SLC34A1: variants seen among roughly 807,000 people sequenced by gnomAD.
The protein encoded by SLC34A1 is sodium-dependent phosphate transport protein 2A.
A neutral mutation model predicts 51.4 loss-of-function variants in SLC34A1; 57 were observed. The ratio of observed to expected loss-of-function variants is 1.11; its 90% CI spans 0.90 to 1.38. SLC34A1 has a LOEUF of 1.38. Ranked by LOEUF, SLC34A1 falls within the 40% of genes most tolerant of loss-of-function variation. The probability of loss-of-function intolerance (pLI) is 0.00; values close to 1 mark genes in which losing one functional copy is unlikely to be tolerated. For missense variants in SLC34A1, 796 were observed against 835.6 expected (o/e 0.95, Z 0.58); for synonymous variants, 368 against 358.0 (o/e 1.03, Z -0.32).
In SLC34A1 at chr5:177,398,374, C is replaced by A; in HGVS notation, c.*88C>A. The A allele has an allele frequency of 1.4e-6, 2 of 1,456,532 alleles. No individual in the cohort carries two copies. The highest frequency in any genetic ancestry group is 2.3e-4 in the Middle Eastern group (1 of 4,340). 90.2% of individuals were successfully genotyped at this position (1,456,532 alleles called of 1,614,324 possible). ...GGGTGTGTGTAGGTATGTGCATGTGCCTGTGCCACCCTGGGTGCCAGTCTC... is the reference window on the plus strand; with the variant it reads ...GGGTGTGTGTAGGTATGTGCATGTGACTGTGCCACCCTGGGTGCCAGTCTC... On this transcript the variant is annotated 3_prime_UTR_variant, in exon 13 of 13. Coordinates refer to ENST00000324417, the MANE Select transcript of SLC34A1 (RefSeq NM_003052.5). This position sits in a 1 kb window ranked among gnomAD's most constrained non-coding sequence, Gnocchi z 4.7.
rs767726771 is a variant in SLC34A1 at position 177,396,984 on chromosome 5, G to A, written c.1326G>A (p.Pro442=). ...LGVISIERAY[P]LTLGSNIGTT... is the part of the protein sequence containing the mutation. ...TGATCAGCATTGAGAGGGCCTACCC[G>A]CTCACACTGGGTTCCAACATCGGCA... Residue 442 remains proline, a synonymous_variant, in exon 12 of 13, where the codon CCG becomes CCA. Transcript: ENST00000324417. This position sits in a 1 kb window ranked among gnomAD's most constrained non-coding sequence, Gnocchi z 4.0. 19 of 1,614,100 alleles carry A rather than the reference G, an allele frequency of 1.2e-5. No individual in the cohort carries two copies. Among genetic ancestry groups the A allele is most frequent in the East Asian group, 2.2e-5 (1 of 44,880 alleles).
At chr5:177,394,314 T>C (rs1035637323) in intron 10 of SLC34A1, 119 bp downstream of exon 10, 5 of 1,161,238 alleles carry the variant, frequency 4.3e-6, no homozygotes, top group Admixed American at 3.8e-5. Flanking sequence ...AGTTTCCCGA[T>C]GTGAACAAAG....
chr5:177,392,004 C>G (rs1293522640), intron 8 of SLC34A1, among the ~76,000 whole-genome samples: 1 of 152,198 alleles, frequency 6.6e-6, no homozygotes, highest in Non-Finnish European at 1.5e-5. Flanking sequence ...TCTAGCCCAT[C>G]GCAGCCTATT....
rs1763045429 is a variant in SLC34A1, at chr5:177,398,518, G to A, written c.*232G>A. On this transcript the variant is annotated 3_prime_UTR_variant, in exon 13 of 13. Transcript: ENST00000324417. The surrounding 1 kb of genome is among the most constrained non-coding windows in gnomAD (Gnocchi z 4.7). ...TAGAAGCTTGTATTTGTGTACAGGT[G>A]TGCCAGCCCATGCAGGTGTACACAG... 2.1e-5 allele frequency: 13 copies of A among 619,992 alleles called. No homozygotes were observed. The East Asian group carries it at 2.8e-4, about 13-fold the overall frequency. 38.4% of individuals were successfully genotyped at this position (619,992 alleles called of 1,614,324 possible). A position where few individuals can be genotyped will look rare whatever the true frequency, so the allele number is the denominator to read the frequency against.
At chr5:177,391,748 G>A (rs1314509956) in intron 8 of SLC34A1, among the ~76,000 whole-genome samples, 3 of 152,192 alleles carry the variant, frequency 2.0e-5, no homozygotes, top group Non-Finnish European at 4.4e-5. Context: ...ACAGTTTACC[G>A]AAGGCTCATG....
rs369736373 is a variant in SLC34A1 at position 177,394,083 on chromosome 5, G to A, written c.1062G>A (p.Leu354=). ...CGGACCTGGCTGTGGGGCTCATCCTGCTGGCAGGATCCCTGGTGCTGCTGT... is the reference window on the plus strand; with the variant it reads ...CGGACCTGGCTGTGGGGCTCATCCTACTGGCAGGATCCCTGGTGCTGCTGT... ...GLPDLAVGLI[L]LAGSLVLLCT... is the part of the protein sequence containing the mutation. Residue 354 remains leucine (L), a synonymous_variant, in exon 10 of 13, where the codon CTG becomes CTA. Transcript: ENST00000324417. The A allele has an allele frequency of 2.5e-6, 4 of 1,613,924 alleles. No homozygotes were observed. The highest frequency in any genetic ancestry group is 3.4e-6 in the Non-Finnish European group (4 of 1,180,036).
At chr5:177,395,554 C>G (rs1466558447) in intron 10 of SLC34A1, among the ~76,000 whole-genome samples, 4 of 152,146 alleles carry the variant, frequency 2.6e-5, no homozygotes, top group Non-Finnish European at 4.4e-5. Flanking sequence ...AGGCTCTGCT[C>G]AGAGCCTGGA....
chr5:177,386,460 C>T lies in SLC34A1; in HGVS notation c.426C>T (p.Ile142=). The T allele has an allele frequency of 6.2e-7, 1 of 1,614,060 alleles. No individual in the cohort carries two copies. Among genetic ancestry groups the T allele is most frequent in the Non-Finnish European group, 8.5e-7 (1 of 1,179,934 alleles). The change falls in exon 5 of 13, where the codon ATC becomes ATT. Residue 142 remains isoleucine (I), a synonymous_variant. Transcript: ENST00000324417. The surrounding 1 kb of genome is among the most constrained non-coding windows in gnomAD (Gnocchi z 4.8). ...GTGACATCTTCAAGGATAACGCCAT[C>T]CTGTCCAACCCGGTGGCCGGGCTGG... is the stretch of plus-strand genomic sequence containing the variant. The part of the protein sequence containing the change: ...VAGDIFKDNA[I]LSNPVAGLVV...
At position 177,398,239 on chromosome 5, in the gene SLC34A1, TC is replaced by T. The variant is rs772299892; in HGVS notation, c.1879del (p.Arg627ValfsTer55). On this transcript the variant is annotated frameshift_variant, in exon 13 of 13. Transcript: ENST00000324417. LOFTEE classifies it high-confidence loss of function. The surrounding 1 kb of genome is among the most constrained non-coding windows in gnomAD (Gnocchi z 4.7). ...GGAGGAGCTACCCCCTGCCACACCC[TC>T]CCCCCGTCTTGCACTGCCTGCTCAC... ...FLEELPPATP[S>X]PRLALPAHHN... 4 of 1,596,914 alleles carry T rather than the reference TC, an allele frequency of 2.5e-6. No individual in the cohort carries two copies. Among genetic ancestry groups the T allele is most frequent in the Non-Finnish European group, 3.4e-6 (4 of 1,179,188 alleles).
intron 8 of SLC34A1, 66 bp from the exon 9 acceptor site, chr5:177,393,628 C>G: frequency 6.6e-7 from 1 of 1,504,876 alleles, no homozygotes; most frequent in East Asian, 2.3e-5. Flanking sequence ...CTCCCTAACT[C>G]CCATCTCAGC....
At chr5:177,387,613 C>T (rs1762632892) in intron 5 of SLC34A1, 149 bp from the exon 6 acceptor site, 3 of 726,240 alleles carry the variant, frequency 4.1e-6, no homozygotes, top group Non-Finnish European at 7.4e-6. Flanking sequence ...TGCCCACATG[C>T]ACCTGTGACG....
rs9686789 is a variant in SLC34A1, at chr5:177,396,623, G to A, written c.1175-110G>A. 11 of 750,646 alleles carry A rather than the reference G, an allele frequency of 1.5e-5. No homozygotes were observed. Among genetic ancestry groups the A allele is most frequent in the South Asian group, 2.9e-5 (2 of 69,236 alleles). The allele number at this position is 750,646 out of a possible 1,614,324, so 46.5% of individuals were successfully genotyped here. On this transcript the variant is annotated intron_variant, in intron 10 of 12. Transcript: ENST00000324417. This position sits in a 1 kb window ranked among gnomAD's most constrained non-coding sequence, Gnocchi z 4.0. ...TCTCCCAGTGCCCCCGCGGAGATCC[G>A]CTCTCCCAGTGCCCCCGCGGAGGTC...
In SLC34A1 at chr5:177,386,003, G is replaced by A. The variant is rs760199474; in HGVS notation, c.126G>A (p.Pro42=). 3.0e-5 allele frequency: 48 copies of A among 1,609,952 alleles called. No homozygotes were observed. The highest frequency in any genetic ancestry group is 2.0e-4 in the South Asian group (18 of 90,912). Residue 42 remains proline, a synonymous_variant, in exon 3 of 13, where the codon CCG becomes CCA. Coordinates refer to ENST00000324417, the MANE Select transcript of SLC34A1 (RefSeq NM_003052.5). The surrounding 1 kb of genome is among the most constrained non-coding windows in gnomAD (Gnocchi z 4.8). Reference sequence around the variant, plus strand: ...CCTCCCTAGTCCTACACAGGATCCCGGGGACCTCTGCCTATGCCTTCCCCA... The same window carrying A: ...CCTCCCTAGTCCTACACAGGATCCCAGGGACCTCTGCCTATGCCTTCCCCA... ...VPSPQVLHRI[P]GTSAYAFPSL...
At chr5:177,392,386 C>A (rs891327081) in intron 8 of SLC34A1, among the ~76,000 whole-genome samples, 10 of 152,220 alleles carry the variant, frequency 6.6e-5, no homozygotes, top group African/African-American at 2.4e-4. Flanking sequence ...TCGCTTGAAC[C>A]CAGGAGGCGG....
rs777694025 is a variant in SLC34A1, at chr5:177,387,766, G to A, written c.537G>A (p.Leu179=). 28 of 1,613,454 alleles carry A rather than the reference G, an allele frequency of 1.7e-5. No individual in the cohort carries two copies. The East Asian group carries it at 5.1e-4, about 30-fold the overall frequency. The part of the protein sequence containing the change: ...IIVSMVSSGL[L]EVSSAIPIIM... ...GGACGTCTTCTCTTCTACCAGTGCTGGAGGTGAGCTCTGCCATCCCCATCA... is the reference window on the plus strand; with the variant it reads ...GGACGTCTTCTCTTCTACCAGTGCTAGAGGTGAGCTCTGCCATCCCCATCA... Residue 179 remains leucine (L), a synonymous_variant, in exon 6 of 13, where the codon CTG becomes CTA. Coordinates refer to ENST00000324417, the MANE Select transcript of SLC34A1 (RefSeq NM_003052.5).
rs750584327 is a variant in SLC34A1, at chr5:177,386,275, C to T, written c.314C>T (p.Pro105Leu). 5.0e-6 allele frequency: 8 copies of T among 1,614,108 alleles called. No individual in the cohort carries two copies. The highest frequency in any genetic ancestry group is 3.3e-5 in the Admixed American group (2 of 60,014). ...RQAGAMLLKV[P>L]LMLTFLYLFV... Reference sequence around the variant, plus strand: ...GCTGGCGCCATGCTGCTCAAGGTGCCACTGATGCTCACCTTCCTCTACCTC... The same window carrying T: ...GCTGGCGCCATGCTGCTCAAGGTGCTACTGATGCTCACCTTCCTCTACCTC... The change falls in exon 4 of 13, where the codon CCA (proline) becomes CTA (leucine). Residue 105 changes from proline to leucine, a missense_variant. Pro to Leu is a moderately conservative substitution (Grantham distance 98, BLOSUM62 -3). Transcript: ENST00000324417. The surrounding 1 kb of genome is among the most constrained non-coding windows in gnomAD (Gnocchi z 4.8).
chr5:177,398,097 C>T lies in SLC34A1; in HGVS notation c.1731C>T (p.Asp577=). ...GHLPKWLQTW[D]FLPRWMHSLK... ...TGCCCAAGTGGTTACAGACATGGGA[C>T]TTCCTGCCTCGCTGGATGCACTCCC... The change falls in exon 13 of 13, where the codon GAC becomes GAT. Residue 577 remains aspartate (D), a synonymous_variant. Coordinates refer to ENST00000324417, the MANE Select transcript of SLC34A1 (RefSeq NM_003052.5). The surrounding 1 kb of genome is among the most constrained non-coding windows in gnomAD (Gnocchi z 4.7). 1 of 1,612,050 alleles carries T rather than the reference C, an allele frequency of 6.2e-7. No individual in the cohort carries two copies. Among genetic ancestry groups the T allele is most frequent in the South Asian group, 1.1e-5 (1 of 91,036 alleles).
At chr5:177,391,601 C>T (rs1207886831) in intron 8 of SLC34A1, among the ~76,000 whole-genome samples, 20 of 152,184 alleles carry the variant, frequency 1.3e-4, no homozygotes, top group African/African-American at 2.4e-5. Context: ...CAGGCTCCTC[C>T]CCAACAGGGC....
chr5:177,397,829 G>A lies in SLC34A1; in HGVS notation c.1463G>A (p.Trp488Ter), dbSNP rs754753378. 1.2e-6 allele frequency: 2 copies of A among 1,613,106 alleles called. No individual in the cohort carries two copies. Among genetic ancestry groups the A allele is most frequent in the Admixed American group, 1.7e-5 (1 of 60,002 alleles). ...TTCAACATCTCGGGTATCCTTCTGT[G>A]GTACCCGGTGCCCTGCACACGCCTG... is the stretch of plus-strand genomic sequence containing the variant. Reference protein sequence around the residue: ...FFFNISGILLWYPVPCTRLPI... With the variant: ...FFFNISGILL Residue 488 changes from tryptophan to a stop codon, truncating the protein, a stop_gained, in exon 13 of 13, where the codon TGG (tryptophan) becomes TAG (stop). Transcript: ENST00000324417. LOFTEE classifies it high-confidence loss of function.
Sources: gnomAD v4.1 joint callset for allele counts (sites outside exome capture counted in the v4.1 genomes callset) on GRCh38, gnomAD v4.1.1 for gene constraint, Gnocchi (gnomAD v3.1) non-coding constraint, MANE v1.5 for transcripts, NCBI Gene and HGNC (gene_info 2026-07-23, HGNC 2026-07-21) for gene names.